DHX8: variants seen among roughly 807,000 people sequenced by gnomAD.
DHX8 encodes the protein ATP-dependent RNA helicase DHX8.
A neutral mutation model predicts 140.7 loss-of-function variants in DHX8; 67 were observed. That is an observed-to-expected ratio of 0.48 (90% CI 0.39 to 0.58). The LOEUF is 0.58. DHX8 is among the 20% of genes least tolerant of loss of function. The probability of loss-of-function intolerance (pLI) is 0.00; values close to 1 mark genes in which losing one functional copy is unlikely to be tolerated. For synonymous variants in DHX8, 533 were observed against 553.2 expected, an observed-to-expected ratio of 0.96 and a Z score of 0.51; for missense variants, 887 against 1,550.7, an observed-to-expected ratio of 0.57 and a Z score of 7.19.
At chr17:43,521,313 A>G (rs1183956572) in intron 20 of DHX8, 56 bp from the exon 21 acceptor site, 5 of 1,458,866 alleles carry the variant, frequency 3.4e-6, no homozygotes, top group Non-Finnish European at 4.7e-6. Context: ...GAATTGCTCC[A>G]TGTTCAGTTA....
intron 6 of DHX8, 91 bp from the exon 7 acceptor site, chr17:43,493,354 C>A: frequency 1.3e-6 from 2 of 1,520,022 alleles, no homozygotes; most frequent in East Asian, 4.5e-5. Flanking sequence ...AGTTTAAGAC[C>A]ATTTTCTTTT....
intron 9 of DHX8, among the ~76,000 whole-genome samples, chr17:43,497,638 C>T (rs1250190518): frequency 1.3e-5 from 2 of 151,938 alleles, no homozygotes; most frequent in African/African-American, 4.8e-5. Flanking sequence ...GCCTGTACTC[C>T]CAGCCACTGG....
chr17:43,523,564 C>T, intron 22 of DHX8, 64 bp from the exon 23 acceptor site: 1 of 1,595,898 alleles, frequency 6.3e-7, no homozygotes, highest in Non-Finnish European at 8.5e-7. Context: ...CTACTAGGGA[C>T]CAGGTTGACT....
chr17:43,507,607 C>T lies in DHX8; in HGVS notation c.2028C>T (p.Leu676=). Residue 676 remains leucine (L), a synonymous_variant, in exon 14 of 23, where the codon CTC becomes CTT. Transcript: ENST00000262415. ...LLRECLIDPD[L]TQYAIIMLDE... Reference sequence around the variant, plus strand: ...GAGAGTGCTTGATTGACCCTGACCTCACTCAGTACGCGATCATCATGTTGG... The same window carrying T: ...GAGAGTGCTTGATTGACCCTGACCTTACTCAGTACGCGATCATCATGTTGG... 6.2e-7 allele frequency: 1 copy of T among 1,614,148 alleles called. No homozygotes were observed. The highest frequency in any genetic ancestry group is 8.5e-7 in the Non-Finnish European group (1 of 1,180,024).
In DHX8 at chr17:43,505,368, C is replaced by T. The variant is rs141271313; in HGVS notation, c.1728+543C>T. The stretch of plus-strand genomic sequence containing the variant: ...AGGTTGCAGTGAGTCAAGATCACGC[C>T]GCTGCACTCCAGCCTGGCTACAGAG... On this transcript the variant is annotated intron_variant, in intron 12 of 22. Transcript: ENST00000262415. 2.6e-3 allele frequency among the ~76,000 whole-genome samples: 392 copies of T among 151,948 alleles called. 3 individuals carry two copies. Among genetic ancestry groups the T allele is most frequent in the African/African-American group, 9.0e-3 (371 of 41,430 alleles).
At chr17:43,499,016 T>C in intron 10 of DHX8, 57 bp downstream of exon 10, 1 of 1,342,314 alleles carries the variant, frequency 7.4e-7, no homozygotes, top group Non-Finnish European at 1.0e-6. Context: ...TTTTCTAAAG[T>C]AATGGGTCAG....
In DHX8 at chr17:43,524,020, C is replaced by G; in HGVS notation, c.*173C>G. ...GGTAAAATAGAAACAGGGATTTAAA[C>G]CTGGCTTTGGCAAGAGCCTGCAGCC... On this transcript the variant is annotated 3_prime_UTR_variant, in exon 23 of 23. Transcript: ENST00000262415. The G allele has an allele frequency of 7.0e-7, 1 of 1,434,688 alleles. No homozygotes were observed. Among genetic ancestry groups the G allele is most frequent in the East Asian group, 2.5e-5 (1 of 39,714 alleles). The allele number at this position is 1,434,688 out of a possible 1,614,324, so 88.9% of individuals were successfully genotyped here.
chr17:43,520,801 T>G lies in DHX8; in HGVS notation c.2988T>G (p.Ser996=), dbSNP rs1186731325. The part of the protein sequence containing the change: ...EPMLCKMLIM[S]VHLGCSEEML... ...TGCTATGCAAAATGCTCATCATGTC[T>G]GTGCATCTGGGCTGCAGTGAGGAAA... Residue 996 remains serine (S), a synonymous_variant, in exon 20 of 23, where the codon TCT becomes TCG. Transcript: ENST00000262415. The G allele has an allele frequency of 1.2e-6, 2 of 1,614,146 alleles. No individual in the cohort carries two copies. The highest frequency in any genetic ancestry group is 2.2e-5 in the East Asian group (1 of 44,878).
At chr17:43,503,623 ACTGCACTCCAGCCT>A (rs1969334079) in intron 11 of DHX8, among the ~76,000 whole-genome samples, 1 of 152,106 alleles carries the variant, frequency 6.6e-6, no homozygotes, top group African/African-American at 2.4e-5. Context: ...AGATCTCGCC[ACTGCACTCCAGCCT>A]GCTGGGCGTC....
At chr17:43,512,985 C>T (rs998965133) in intron 16 of DHX8, among the ~76,000 whole-genome samples, 1 of 152,118 alleles carries the variant, frequency 6.6e-6, no homozygotes, top group Non-Finnish European at 1.5e-5. Flanking sequence ...TCTCATTTTG[C>T]ATTGGCACAT....
chr17:43,491,345 T>C, intron 4 of DHX8, 95 bp downstream of exon 4: 3 of 613,640 alleles, frequency 4.9e-6, no homozygotes, highest in Non-Finnish European at 7.8e-6. Context: ...AAGTTTGCCT[T>C]TGTTGTAACT....
chr17:43,522,747 C>CAAAA lies in DHX8; in HGVS notation c.3443+539_3443+542dup, dbSNP rs773301589. Among the ~76,000 whole-genome samples, 88 of 41,240 alleles carry CAAAA rather than the reference C, an allele frequency of 2.1e-3. 2 individuals carry two copies. The highest frequency in any genetic ancestry group is 4.6e-3 in the African/African-American group (46 of 10,076). 27.1% of individuals were successfully genotyped at this position (41,240 alleles called of 152,430 possible). A position where few individuals can be genotyped will look rare whatever the true frequency, so the allele number is the denominator to read the frequency against. The stretch of plus-strand genomic sequence containing the variant: ...GGGCAACAAGAGCGAAACTCCATCT[C>CAAAA]AAAAAAAAAAAAAAAAAAAAACCAA... On this transcript the variant is annotated intron_variant, in intron 22 of 22. Transcript: ENST00000262415.
intron 4 of DHX8, 33 bp from the exon 5 acceptor site, chr17:43,492,150 T>C (rs1444560165): frequency 3.9e-6 from 6 of 1,542,922 alleles, no homozygotes; most frequent in Admixed American, 3.3e-5. Context: ...GAGTAGTTTT[T>C]TTTCCTAACT....
chr17:43,493,932 G>T, intron 8 of DHX8, 46 bp downstream of exon 8: 1 of 1,597,572 alleles, frequency 6.3e-7, no homozygotes, highest in Non-Finnish European at 8.6e-7. Flanking sequence ...TCAGCATGTA[G>T]CATGGTGCTT....
intron 4 of DHX8, 43 bp downstream of exon 4, chr17:43,491,293 C>T (rs1481384450): frequency 9.5e-7 from 1 of 1,051,970 alleles, no homozygotes; most frequent in Non-Finnish European, 1.3e-6. Context: ...AATATATATT[C>T]TCAACCCCTT....
chr17:43,487,776 A>G (rs1446047296), intron 1 of DHX8, among the ~76,000 whole-genome samples: 2 of 152,114 alleles, frequency 1.3e-5, no homozygotes, highest in Non-Finnish European at 2.9e-5. Context: ...CAGGAGTTCA[A>G]GACCAGCCTG....
chr17:43,539,561 C>A (rs1971415166), intron 3 of DHX8, among the ~76,000 whole-genome samples: 1 of 152,222 alleles, frequency 6.6e-6, no homozygotes, highest in Non-Finnish European at 1.5e-5. Flanking sequence ...TCATCTGATG[C>A]CCCAGCACCC....
chr17:43,526,947 G>T (rs1179709361), downstream of DHX8: 5 of 209,288 alleles, frequency 2.4e-5, no homozygotes, highest in Non-Finnish European at 4.9e-5. Context: ...GGGCCAACCT[G>T]AGACATGAAC....
intron 8 of DHX8, 142 bp downstream of exon 8, chr17:43,494,028 TG>T (rs1040597669): frequency 3.9e-6 from 3 of 775,032 alleles, no homozygotes; most frequent in Non-Finnish European, 6.1e-6. Flanking sequence ...AAGACGTACC[TG>T]AGACTGGGCA....
Sources: gnomAD v4.1 joint callset for allele counts (sites outside exome capture counted in the v4.1 genomes callset) on GRCh38, gnomAD v4.1.1 for gene constraint, MANE v1.5 for transcripts, NCBI Gene and HGNC (gene_info 2026-07-23, HGNC 2026-07-21) for gene names.